Variants in ROBO2 observed in about 807,000 individuals in gnomAD.
ROBO2 encodes roundabout guidance receptor 2, also known as roundabout homolog 2.
A neutral mutation model predicts 160.8 loss-of-function variants in ROBO2; 53 were observed. The ratio of observed to expected loss-of-function variants is 0.33; its 90% CI spans 0.26 to 0.41. The LOEUF (loss-of-function observed/expected upper bound fraction) is 0.41. Among genes scored for constraint, ROBO2 ranks in the 10% least tolerant of loss-of-function variants. ROBO2 has a pLI of 1.00. For missense variants in ROBO2, 1,577 were observed against 1,722.4 expected (o/e 0.92, Z 1.49); for synonymous variants, 664 against 611.7 (o/e 1.09, Z -1.26).
At chr3:77,130,265 C>CA (rs1167623032) in intron 2 of ROBO2, among the ~76,000 whole-genome samples, 4 of 152,184 alleles carry the variant, frequency 2.6e-5, no homozygotes, top group Admixed American at 2.0e-4. Flanking sequence ...CTCACCACTG[C>CA]ACTGTACGTT....
At chr3:76,618,447 A>G (rs1289139209) in intron 2 of ROBO2, among the ~76,000 whole-genome samples, 1 of 150,298 alleles carries the variant, frequency 6.7e-6, no homozygotes, top group Admixed American at 6.6e-5. Flanking sequence ...ATATATATAT[A>G]TAAATATATA....
At chr3:76,879,535 A>T (rs566150363) in intron 2 of ROBO2, among the ~76,000 whole-genome samples, 74 of 152,236 alleles carry the variant, frequency 4.9e-4, no homozygotes, top group Non-Finnish European at 7.9e-4. Context: ...GACCAACATA[A>T]CTATAAAGTA....
chr3:77,511,695 G>A (rs2089419955), intron 5 of ROBO2, among the ~76,000 whole-genome samples: 1 of 152,056 alleles, frequency 6.6e-6, no homozygotes, highest in South Asian at 2.1e-4. Context: ...GGGAAGTCAA[G>A]AGAGGCTAAA....
chr3:76,543,693 A>G (rs1360835318), intron 2 of ROBO2, among the ~76,000 whole-genome samples: 1 of 152,066 alleles, frequency 6.6e-6, no homozygotes, highest in Non-Finnish European at 1.5e-5. Flanking sequence ...GAATGCTTCT[A>G]TTCTCAAAGA....
At chr3:76,990,094 C>T (rs2060586068) in intron 2 of ROBO2, among the ~76,000 whole-genome samples, 1 of 151,964 alleles carries the variant, frequency 6.6e-6, no homozygotes, top group African/African-American at 2.4e-5. Context: ...TTTTTCTACT[C>T]TCTTCTATTC....
chr3:76,299,743 G>A lies in ROBO2; in HGVS notation c.109+362141G>A, dbSNP rs184456001. On this transcript the variant is annotated intron_variant, in intron 2 of 26. Coordinates refer to the ROBO2 transcript ENST00000487694. ...CTCAGACCAGGGTGAGAACAGTGAA[G>A]GAGTGAAAACTGGTTAAATTCTACA... Among the ~76,000 whole-genome samples the A allele has an allele frequency of 4.6e-5, 7 of 152,198 alleles. No individual in the cohort carries two copies. In the East Asian group the frequency reaches 1.2e-3, roughly 25 times the overall value.
chr3:76,227,653 T>G (rs891954904), intron 2 of ROBO2, among the ~76,000 whole-genome samples: 5 of 152,186 alleles, frequency 3.3e-5, no homozygotes, highest in African/African-American at 1.2e-4. Flanking sequence ...AATCCACACC[T>G]TTAGTCCAAG....
chr3:76,987,650 G>A lies in ROBO2; in HGVS notation c.110-110364G>A, dbSNP rs192318073. Among the ~76,000 whole-genome samples the A allele has an allele frequency of 2.1e-3, 323 of 152,200 alleles. 1 individual carries two copies. Among genetic ancestry groups the A allele is most frequent in the African/African-American group, 7.4e-3 (309 of 41,516 alleles). The stretch of plus-strand genomic sequence containing the variant: ...AAAGGCAGCTTAAAAAAAAGCCAGT[G>A]ATATTTTATGTTCAAATCAGTAATT... On this transcript the variant is annotated intron_variant, in intron 2 of 26. Transcript: ENST00000487694.
chr3:76,357,945 C>A (rs1453548520), intron 2 of ROBO2, among the ~76,000 whole-genome samples: 2 of 150,748 alleles, frequency 1.3e-5, no homozygotes, highest in African/African-American at 4.9e-5. Context: ...AGAAAACAGT[C>A]ATGTCACTCC....
At chr3:77,094,148 A>C (rs959389950) in intron 1 of ROBO2, among the ~76,000 whole-genome samples, 3 of 152,028 alleles carry the variant, frequency 2.0e-5, no homozygotes, top group Non-Finnish European at 4.4e-5. Flanking sequence ...GACCCCCTTC[A>C]TTCCCCACTT....
intron 2 of ROBO2, among the ~76,000 whole-genome samples, chr3:76,498,416 T>A (rs1192290136): frequency 6.6e-6 from 1 of 152,048 alleles, no homozygotes; most frequent in Non-Finnish European, 1.5e-5. Context: ...AACAGTATAT[T>A]GTATTCTAGA....
At chr3:76,779,423 A>G (rs963342624) in intron 2 of ROBO2, among the ~76,000 whole-genome samples, 1 of 150,992 alleles carries the variant, frequency 6.6e-6, no homozygotes, top group Non-Finnish European at 1.5e-5. Context: ...TATTAGCTTT[A>G]GGCACTGTGC....
chr3:76,478,688 T>G lies in ROBO2; in HGVS notation c.109+541086T>G, dbSNP rs192652745. On this transcript the variant is annotated intron_variant, in intron 2 of 26. Coordinates refer to the ROBO2 transcript ENST00000487694. ...CACACACTTTTTTCTCTGTTTTTTT[T>G]TTTTTTTTTTTGAGAGACATGCTCA... Among the ~76,000 whole-genome samples, 842 of 150,582 alleles carry G rather than the reference T, an allele frequency of 5.6e-3. 8 individuals are homozygous for G. Among genetic ancestry groups the G allele is most frequent in the Middle Eastern group, 0.024 (7 of 294 alleles).
chr3:76,152,355 T>C, intron 2 of ROBO2, among the ~76,000 whole-genome samples: 1 of 152,192 alleles, frequency 6.6e-6, no homozygotes, highest in South Asian at 2.1e-4. Flanking sequence ...GACTGTAGGA[T>C]GCATTAATAG....
intron 2 of ROBO2, among the ~76,000 whole-genome samples, chr3:76,515,680 G>A (rs529476793): frequency 2.6e-5 from 4 of 152,086 alleles, no homozygotes; most frequent in Non-Finnish European, 4.4e-5. Context: ...CTGGCACTGT[G>A]TTATTTGTTA....
rs568441805 is a variant in ROBO2, at chr3:76,397,054, C to T, written c.109+459452C>T. 1.2e-4 allele frequency among the ~76,000 whole-genome samples: 18 copies of T among 152,240 alleles called. No homozygotes were observed. The East Asian group carries it at 1.6e-3, about 13-fold the overall frequency. ...CAAAAGAACAAAGCTGGAGGCATCA[C>T]GCTACCTGACTTCAAACTATACTAC... On this transcript the variant is annotated intron_variant, in intron 2 of 26. Transcript: ENST00000487694.
chr3:76,508,414 T>G (rs2080906154), intron 2 of ROBO2, among the ~76,000 whole-genome samples: 1 of 152,154 alleles, frequency 6.6e-6, no homozygotes, highest in South Asian at 2.1e-4. Flanking sequence ...AAAAATAAGA[T>G]TAAATATATA....
At chr3:77,094,258 C>T (rs190526057) in intron 1 of ROBO2, among the ~76,000 whole-genome samples, 17 of 152,252 alleles carry the variant, frequency 1.1e-4, no homozygotes, top group Admixed American at 1.0e-3. Context: ...ATATATGGTC[C>T]ATTGCAACTA....
At position 77,546,729 on chromosome 3, in the gene ROBO2, A is replaced by G. The variant is rs699452; in HGVS notation, c.1059+267A>G. Among the ~76,000 whole-genome samples, 85,372 of 151,918 alleles carry G rather than the reference A, an allele frequency of 0.56. 24,084 individuals are homozygous for G. Among genetic ancestry groups the G allele is most frequent in the Middle Eastern group, 0.68 (200 of 294 alleles). ...CAAAATTATCGTTAAAAGTCCAACC[A>G]AAACCTCTGTAGCTATTTAAAATCT... On this transcript the variant is annotated intron_variant, in intron 7 of 25. Coordinates refer to ENST00000461745, the Ensembl canonical transcript of ROBO2.
Sources: allele counts gnomAD v4.1 joint callset (sites outside exome capture counted in the v4.1 genomes callset), GRCh38; gene constraint gnomAD v4.1.1; transcripts MANE v1.5; gene names NCBI Gene and HGNC (gene_info 2026-07-23, HGNC 2026-07-21).